UBE2E3: variants seen among roughly 807,000 people sequenced by gnomAD.
The protein encoded by UBE2E3 is ubiquitin-conjugating enzyme E2 E3.
In UBE2E3, 5 loss-of-function variants were observed where a neutral mutation model predicts 23.6. The observed-to-expected ratio is 0.21, with a 90% CI of 0.11 to 0.44. The LOEUF (loss-of-function observed/expected upper bound fraction) is 0.44, where lower values mean the gene tolerates loss of function less well. Ranked by LOEUF, UBE2E3 falls within the 20% of genes least tolerant of loss-of-function variation. The probability of loss-of-function intolerance (pLI) is 0.99; values close to 1 mark genes in which losing one functional copy is unlikely to be tolerated. For synonymous variants in UBE2E3, 78 were observed against 87.5 expected (o/e 0.89, Z 0.60); for missense variants, 81 against 249.8 (o/e 0.32, Z 4.55).
At chr2:181,022,732 C>CA (rs1480533080) in intron 3 of UBE2E3, among the ~76,000 whole-genome samples, 1 of 149,366 alleles carries the variant, frequency 6.7e-6, no homozygotes, top group African/African-American at 2.5e-5. Context: ...CAAAAAAAAA[C>CA]AAAAAACAAA....
intron 4 of UBE2E3, among the ~76,000 whole-genome samples, chr2:181,058,368 C>T (rs916965248): frequency 2.6e-5 from 4 of 151,660 alleles, no homozygotes; most frequent in African/African-American, 4.8e-5. Flanking sequence ...GTTTTGTTGG[C>T]TCTGAGTTCA....
intron 3 of UBE2E3, among the ~76,000 whole-genome samples, chr2:181,040,953 A>T (rs1005769599): frequency 3.3e-5 from 5 of 152,126 alleles, no homozygotes; most frequent in Non-Finnish European, 7.4e-5. Flanking sequence ...CCTTTTCTCC[A>T]AAGAAATGCT....
chr2:181,055,147 A>G (rs1387459703), intron 3 of UBE2E3, among the ~76,000 whole-genome samples: 1 of 151,870 alleles, frequency 6.6e-6, no homozygotes, highest in African/African-American at 2.4e-5. Context: ...AACAGAGGAG[A>G]GAAACTGAAG....
chr2:181,029,951 C>T (rs1299903552), intron 3 of UBE2E3, among the ~76,000 whole-genome samples: 1 of 151,502 alleles, frequency 6.6e-6, no homozygotes, highest in African/African-American at 2.4e-5. Context: ...ATTCCCCTTC[C>T]TCAGCCTCCC....
chr2:181,018,579 A>G (rs1290147547), intron 3 of UBE2E3, among the ~76,000 whole-genome samples: 1 of 134,862 alleles, frequency 7.4e-6, no homozygotes, highest in Non-Finnish European at 1.6e-5. Flanking sequence ...ATCTCCCTGC[A>G]TTTTGTTTCA....
intron 3 of UBE2E3, among the ~76,000 whole-genome samples, chr2:181,031,594 T>G (rs1686079019): frequency 6.6e-6 from 1 of 152,200 alleles, no homozygotes; most frequent in African/African-American, 2.4e-5. Context: ...ACCATTTACT[T>G]AACGACTACT....
At chr2:181,027,620 A>C (rs1221845942) in intron 3 of UBE2E3, among the ~76,000 whole-genome samples, 2 of 151,912 alleles carry the variant, frequency 1.3e-5, no homozygotes, top group African/African-American at 4.8e-5. Context: ...CCTTAATAAA[A>C]CAGTATGTAA....
chr2:181,021,412 C>T (rs1015175529), intron 3 of UBE2E3, among the ~76,000 whole-genome samples: 2 of 143,938 alleles, frequency 1.4e-5, no homozygotes, highest in Non-Finnish European at 1.5e-5. Flanking sequence ...TTTTCCCCTC[C>T]CTCCCTCCCT....
intron 3 of UBE2E3, among the ~76,000 whole-genome samples, chr2:181,000,805 C>T (rs935556932): frequency 1.8e-4 from 28 of 152,142 alleles, no homozygotes; most frequent in African/African-American, 5.8e-4. Flanking sequence ...CCGACCACCT[C>T]GGGCTTCCAA....
chr2:181,047,416 T>C (rs553797579), intron 3 of UBE2E3, among the ~76,000 whole-genome samples: 1 of 152,224 alleles, frequency 6.6e-6, no homozygotes, highest in South Asian at 2.1e-4. Context: ...CCCCTTTATC[T>C]TACTTGTCTG....
intron 3 of UBE2E3, among the ~76,000 whole-genome samples, chr2:181,009,239 T>C (rs937829923): frequency 1.3e-5 from 2 of 152,180 alleles, no homozygotes; most frequent in African/African-American, 4.8e-5. Context: ...TTTTTGATGC[T>C]AAGAGATTGG....
intron 3 of UBE2E3, among the ~76,000 whole-genome samples, chr2:181,023,317 TTA>T (rs1292689050): frequency 6.6e-6 from 1 of 152,204 alleles, no homozygotes; most frequent in African/African-American, 2.4e-5. Context: ...AAAATTTGAT[TTA>T]GTTACTTTTA....
chr2:180,986,132 A>G (rs1180015181), intron 3 of UBE2E3, among the ~76,000 whole-genome samples: 2 of 152,230 alleles, frequency 1.3e-5, no homozygotes, highest in East Asian at 3.9e-4. Context: ...AGTAACATGG[A>G]ACACCTCATC....
chr2:181,008,349 A>G (rs981860280), intron 3 of UBE2E3, among the ~76,000 whole-genome samples: 18 of 152,244 alleles, frequency 1.2e-4, no homozygotes, highest in African/African-American at 3.6e-4. Context: ...AAACTGAGGT[A>G]CAGAGAGAAG....
intron 3 of UBE2E3, among the ~76,000 whole-genome samples, chr2:181,057,062 TA>T (rs1687010060): frequency 2.0e-5 from 3 of 151,700 alleles, no homozygotes; most frequent in Admixed American, 6.6e-5. Context: ...CAAAAAACGT[TA>T]ATGTTATAAA....
intron 3 of UBE2E3, among the ~76,000 whole-genome samples, chr2:180,985,566 A>G (rs73977153): frequency 0.018 from 2,735 of 152,220 alleles, 67 homozygotes; most frequent in African/African-American, 0.062. Context: ...TTGTATTTCT[A>G]TTGAACAGTG....
intron 3 of UBE2E3, among the ~76,000 whole-genome samples, chr2:181,013,713 C>T (rs568538054): frequency 2.0e-4 from 31 of 152,260 alleles, no homozygotes; most frequent in Middle Eastern, 3.4e-3. Context: ...ATGTGTGCAG[C>T]AGATGAAATC....
At chr2:181,006,918 T>C (rs1404682341) in intron 3 of UBE2E3, among the ~76,000 whole-genome samples, 1 of 152,218 alleles carries the variant, frequency 6.6e-6, no homozygotes, top group East Asian at 1.9e-4. Context: ...GTAAAATTAC[T>C]TTAAAAGCCA....
intron 3 of UBE2E3, among the ~76,000 whole-genome samples, chr2:181,029,579 A>G (rs1686006232): frequency 6.6e-6 from 1 of 150,670 alleles, no homozygotes. Flanking sequence ...TTTTTTATCT[A>G]GCAACCTTGT....
Sources: allele counts gnomAD v4.1 joint callset (sites outside exome capture counted in the v4.1 genomes callset), GRCh38; gene constraint gnomAD v4.1.1; transcripts MANE v1.5; gene names NCBI Gene and HGNC (gene_info 2026-07-23, HGNC 2026-07-21).